The following FBL variants were observed in gnomAD, a reference collection of about 807,000 sequenced individuals.
FBL encodes the protein fibrillarin rRNA 2'-O-methyltransferase.
In FBL, 10 loss-of-function variants were observed where a neutral mutation model predicts 42.2. The observed-to-expected ratio is 0.24, with a 90% confidence interval of 0.15 to 0.40. FBL has a LOEUF of 0.40. FBL is among the 10% of genes least tolerant of loss of function. The pLI is 1.00. For synonymous variants in FBL, 165 were observed against 165.4 expected, an observed-to-expected ratio of 1.00 and a Z score of 0.02; for missense variants, 351 against 439.2, an observed-to-expected ratio of 0.80 and a Z score of 1.79.
In FBL at chr19:39,834,561, G is replaced by A. The variant is rs767281816; in HGVS notation, c.943C>T (p.Pro315Ser). ...CTTCAGTTCTTCACCTTGGGGGGTG[G>A]CCTGTGAGAGGAAGATAGGTGATGA... is the stretch of plus-strand genomic sequence containing the variant. ...DHAVVVGVYR[P>S]PPKVKN Residue 315 changes from proline (P) to serine (S), a missense_variant and splice_region_variant, in exon 9 of 9, where the codon CCA (proline) becomes TCA (serine). Physicochemically the swap from Pro to Ser is moderately conservative, Grantham distance 74. Transcript: ENST00000221801. The A allele has an allele frequency of 6.2e-7, 1 of 1,614,102 alleles. No individual in the cohort carries two copies. Among genetic ancestry groups the A allele is most frequent in the Admixed American group, 1.7e-5 (1 of 60,016 alleles).
intron 7 of FBL, among the ~76,000 whole-genome samples, chr19:39,836,318 G>T (rs1969048068): frequency 6.6e-6 from 1 of 152,000 alleles, no homozygotes; most frequent in Admixed American, 6.6e-5. Context: ...CATAAGTGAG[G>T]AAACTGAGGC....
At position 39,837,705 on chromosome 19, in the gene FBL, C is replaced by T. The variant is rs995851385; in HGVS notation, c.682+6G>A. On this transcript the variant is annotated splice_donor_region_variant and intron_variant, in intron 6 of 8. Coordinates refer to ENST00000221801, the MANE Select transcript of FBL (RefSeq NM_001436.4). ...ACCCCACCGGGGCCACCCCCAGACC[C>T]CTCACCGATGAGCATGCGGTATTTG... The T allele has an allele frequency of 6.4e-7, 1 of 1,564,618 alleles. No individual in the cohort carries two copies. The highest frequency in any genetic ancestry group is 8.6e-7 in the Non-Finnish European group (1 of 1,158,258).
intron 7 of FBL, among the ~76,000 whole-genome samples, chr19:39,836,332 T>C (rs1969048365): frequency 6.6e-6 from 1 of 152,096 alleles, no homozygotes; most frequent in Non-Finnish European, 1.5e-5. Flanking sequence ...CTGAGGCATA[T>C]AGGTTAAGTA....
Position 39,840,425 on chromosome 19 carries a change from T to G in FBL, c.272A>C (p.His91Pro). The G allele has an allele frequency of 6.2e-7, 1 of 1,614,122 alleles. No individual in the cohort carries two copies. The highest frequency in any genetic ancestry group is 8.5e-7 in the Non-Finnish European group (1 of 1,180,018). ...QSGKNVMVEP[H>P]RHEGVFICRG... is the part of the protein sequence containing the mutation. ...CCTTCCTCACTCACCCTCATGCCGA[T>G]GCGGCTCCACCATCACATTCTTCCC... is the stretch of plus-strand genomic sequence containing the variant. Residue 91 changes from histidine (H) to proline (P), a missense_variant, in exon 3 of 9, where the codon CAT (histidine) becomes CCT (proline). Transcript: ENST00000221801. This position sits in a 1 kb window ranked among gnomAD's most constrained non-coding sequence, Gnocchi z 4.5.
chr19:39,836,429 T>C, intron 7 of FBL, 127 bp downstream of exon 7: 1 of 586,716 alleles, frequency 1.7e-6, no homozygotes, highest in Non-Finnish European at 3.0e-6. Flanking sequence ...CCTGCCTCTT[T>C]AAATCCAAAG....
Position 39,843,143 on chromosome 19 carries a change from T to G in FBL, c.11-2356A>C, listed in dbSNP as rs1173648681. Among the ~76,000 whole-genome samples, 3 of 152,100 alleles carry G rather than the reference T, an allele frequency of 2.0e-5. No homozygotes were observed. The East Asian group carries it at 5.8e-4, about 29-fold the overall frequency. ...TATTATTACCACCTGCCTCCCCCAC[T>G]AAGATCAAGCTCCAAATGGGCAGGG... On this transcript the variant is annotated intron_variant, in intron 1 of 8. Coordinates refer to ENST00000221801, the MANE Select transcript of FBL (RefSeq NM_001436.4).
At chr19:39,837,666 C>T (rs199641837) in intron 6 of FBL, 45 bp downstream of exon 6, 15 of 1,492,124 alleles carry the variant, frequency 1.0e-5, no homozygotes, top group East Asian at 7.4e-5. Flanking sequence ...CAGAAGCCTG[C>T]GGTGGCCTGT....
At position 39,834,753 on chromosome 19, in the gene FBL, T is replaced by A. The variant is rs1968996259; in HGVS notation, c.856A>T (p.Met286Leu). The change falls in exon 8 of 9, where the codon ATG (methionine) becomes TTG (leucine). Residue 286 changes from methionine to leucine, a missense_variant. By Grantham distance (15) the Met-to-Leu change is conservative. Transcript: ENST00000221801. ...TGCGGCTTCATGTTCTCCTGTTGCA[T>A]CTTTTTCACTTCGGAGGCAAACACG... The part of the protein sequence containing the change: ...EAVFASEVKK[M>L]QQENMKPQEQ... 6.2e-7 allele frequency: 1 copy of A among 1,614,096 alleles called. No individual in the cohort carries two copies. Among genetic ancestry groups the A allele is most frequent in the Non-Finnish European group, 8.5e-7 (1 of 1,180,046 alleles).
chr19:39,843,144 A>G (rs921249661), intron 1 of FBL, among the ~76,000 whole-genome samples: 1 of 152,090 alleles, frequency 6.6e-6, no homozygotes, highest in Non-Finnish European at 1.5e-5. Flanking sequence ...CTCCCCCACT[A>G]AGATCAAGCT....
rs1029303047 is a variant in FBL at position 39,840,457 on chromosome 19, G to C, written c.240C>G (p.Asn80Lys). ...RGRGRGGKRG[N>K]QSGKNVMVEP... ...CCACCATCACATTCTTCCCCGACTG[G>C]TTTCCTCTTTTTCCTCCCCGACCAC... Residue 80 changes from asparagine (N) to lysine (K), a missense_variant, in exon 3 of 9, where the codon AAC (asparagine) becomes AAG (lysine). Asn to Lys is a moderately conservative substitution (Grantham distance 94). Transcript: ENST00000221801. This position sits in a 1 kb window ranked among gnomAD's most constrained non-coding sequence, Gnocchi z 4.5. 42 of 1,613,930 alleles carry C rather than the reference G, an allele frequency of 2.6e-5. No individual in the cohort carries two copies. The highest frequency in any genetic ancestry group is 3.6e-5 in the Non-Finnish European group (42 of 1,180,018).
chr19:39,840,921 G>T lies in FBL; in HGVS notation c.11-134C>A. On this transcript the variant is annotated intron_variant, in intron 1 of 8. Transcript: ENST00000221801. This position sits in a 1 kb window ranked among gnomAD's most constrained non-coding sequence, Gnocchi z 4.5. The stretch of plus-strand genomic sequence containing the variant: ...TACAGCAGGACACATTTCCAAGAAT[G>T]TCCACAGCAAAAGAAAAGTGAAGAC... 2 of 821,096 alleles carry T rather than the reference G, an allele frequency of 2.4e-6. No homozygotes were observed. The highest frequency in any genetic ancestry group is 2.9e-5 in the South Asian group (1 of 34,472). The allele number at this position is 821,096 out of a possible 1,614,324, so 50.9% of individuals were successfully genotyped here.
chr19:39,834,859 T>A, intron 7 of FBL, 46 bp from the exon 8 acceptor site: 1 of 1,605,218 alleles, frequency 6.2e-7, no homozygotes, highest in Non-Finnish European at 8.5e-7. Context: ...CTTTGGGCTG[T>A]TTTTCTCTTG....
At chr19:39,835,857 C>T (rs927232919) in intron 7 of FBL, among the ~76,000 whole-genome samples, 3 of 151,802 alleles carry the variant, frequency 2.0e-5, no homozygotes, top group Non-Finnish European at 4.4e-5. Context: ...ACCTGGGAGG[C>T]AGAGGTTGCA....
Position 39,840,750 on chromosome 19 carries a change from C to T in FBL, c.48G>A (p.Gly16=), listed in dbSNP as rs1448562983. 1.3e-6 allele frequency: 2 copies of T among 1,572,496 alleles called. No homozygotes were observed. Among genetic ancestry groups the T allele is most frequent in the Non-Finnish European group, 1.7e-6 (2 of 1,158,772 alleles). ...CACGACCACCACGGTCACCAAAGCC[C>T]CCTCGGCCGCCAAAGCCACCCCCAC... is the stretch of plus-strand genomic sequence containing the variant. ...SPRGGGFGGR[G]GFGDRGGRGG... Residue 16 remains glycine (G), a synonymous_variant, in exon 2 of 9, where the codon GGG becomes GGA. Coordinates refer to ENST00000221801, the MANE Select transcript of FBL (RefSeq NM_001436.4). This position sits in a 1 kb window ranked among gnomAD's most constrained non-coding sequence, Gnocchi z 4.5.
intron 4 of FBL, among the ~76,000 whole-genome samples, 183 bp from the exon 5 acceptor site, chr19:39,839,388 G>A (rs1969113466): frequency 6.6e-6 from 1 of 152,184 alleles, no homozygotes. Flanking sequence ...CTGACCCAAA[G>A]GGCAGCAAAA....
rs1367576339 is a variant in FBL, at chr19:39,841,063, A to T, written c.11-276T>A. 2.0e-5 allele frequency among the ~76,000 whole-genome samples: 3 copies of T among 151,902 alleles called. No individual in the cohort carries two copies. The East Asian group carries it at 5.8e-4, about 29-fold the overall frequency. On this transcript the variant is annotated intron_variant, in intron 1 of 8. Transcript: ENST00000221801. ...ACTAATAAATGTTAAAATCATAATA[A>T]TTTTTTTTGCTTAGTGCTTTTTTTT...
intron 5 of FBL, 71 bp downstream of exon 5, chr19:39,838,963 AC>A: frequency 7.1e-7 from 1 of 1,411,670 alleles, no homozygotes. Context: ...AAGCAGTCAA[AC>A]CCTGATATTC....
Position 39,845,070 on chromosome 19 carries a change from T to C in FBL, c.10+1221A>G, listed in dbSNP as rs79398252. 9.3e-3 allele frequency among the ~76,000 whole-genome samples: 1,421 copies of C among 152,098 alleles called. 24 individuals are homozygous for C. Among genetic ancestry groups the C allele is most frequent in the African/African-American group, 0.032 (1,336 of 41,456 alleles). On this transcript the variant is annotated intron_variant, in intron 1 of 8. Coordinates refer to ENST00000221801, the MANE Select transcript of FBL (RefSeq NM_001436.4). Reference sequence around the variant, plus strand: ...CCCAAACACGGAAGAGAAAGGGAACTTGGGAGAAGGGCACAGATCCACAAA... The same window carrying C: ...CCCAAACACGGAAGAGAAAGGGAACCTGGGAGAAGGGCACAGATCCACAAA...
intron 1 of FBL, among the ~76,000 whole-genome samples, chr19:39,842,686 T>C (rs1328387425): frequency 6.6e-6 from 1 of 152,082 alleles, no homozygotes; most frequent in East Asian, 1.9e-4. Flanking sequence ...ACATCCAAAA[T>C]GAAATAAAAA....
Sources: gnomAD v4.1 joint callset for allele counts (sites outside exome capture counted in the v4.1 genomes callset) on GRCh38, gnomAD v4.1.1 for gene constraint, Gnocchi (gnomAD v3.1) non-coding constraint, MANE v1.5 for transcripts, NCBI Gene and HGNC (gene_info 2026-07-23, HGNC 2026-07-21) for gene names.